The following TMEM132D variants were observed in gnomAD, a reference collection of about 807,000 sequenced individuals.
The protein encoded by TMEM132D is transmembrane protein 132D.
A neutral mutation model predicts 62.3 loss-of-function variants in TMEM132D; 21 were observed. That is an observed-to-expected ratio of 0.34 (90% confidence interval 0.24 to 0.49). TMEM132D has a LOEUF of 0.49. Among genes scored for constraint, TMEM132D ranks in the 20% least tolerant of loss-of-function variants. The probability of loss-of-function intolerance (pLI) is 0.99; values close to 1 mark genes in which losing one functional copy is unlikely to be tolerated. For missense variants in TMEM132D, 1,346 were observed against 1,402.8 expected, an observed-to-expected ratio of 0.96 and a Z score of 0.65; for synonymous variants, 621 against 575.6, an observed-to-expected ratio of 1.08 and a Z score of -1.13.
chr12:129,105,316 T>C (rs1383450910), intron 5 of TMEM132D, among the ~76,000 whole-genome samples: 1 of 143,690 alleles, frequency 7.0e-6, no homozygotes, highest in African/African-American at 2.7e-5. Context: ...CACCGCATAT[T>C]CTCACTCACA....
intron 1 of TMEM132D, among the ~76,000 whole-genome samples, chr12:129,774,853 C>A (rs1265810809): frequency 6.6e-6 from 1 of 152,200 alleles, no homozygotes; most frequent in Non-Finnish European, 1.5e-5. Context: ...CCGCTTTCGG[C>A]AGCATGACCT....
rs1314026716 is a variant in TMEM132D at position 129,644,493 on chromosome 12, A to G, written c.968+55317T>C. ...CTCCTGGGAAGGCCGTTACCATGGG[A>G]GTGAGAGAGACCAGGCAGTGTGAAT... On this transcript the variant is annotated intron_variant, in intron 2 of 8. Transcript: ENST00000422113. 2.0e-5 allele frequency among the ~76,000 whole-genome samples: 3 copies of G among 152,062 alleles called. No individual in the cohort carries two copies. In the East Asian group the frequency reaches 5.8e-4, roughly 29 times the overall value.
intron 1 of TMEM132D, among the ~76,000 whole-genome samples, chr12:129,726,850 T>C (rs1530898): frequency 0.49 from 73,717 of 151,898 alleles, 18,307 homozygotes; most frequent in East Asian, 0.61. Context: ...ACAGGAGTTC[T>C]GTTCCCAACT....
chr12:129,440,577 A>G (rs1294013094), intron 3 of TMEM132D, among the ~76,000 whole-genome samples: 1 of 152,230 alleles, frequency 6.6e-6, no homozygotes, highest in Non-Finnish European at 1.5e-5. Context: ...TAGCATGGGC[A>G]TATCTAAGAG....
chr12:129,772,081 T>G (rs1870772289), intron 1 of TMEM132D, among the ~76,000 whole-genome samples: 1 of 151,892 alleles, frequency 6.6e-6, no homozygotes, highest in Non-Finnish European at 1.5e-5. Flanking sequence ...CATTCACAAG[T>G]GGGATCACAC....
At chr12:129,811,154 C>A (rs900952899) in intron 1 of TMEM132D, among the ~76,000 whole-genome samples, 8 of 151,664 alleles carry the variant, frequency 5.3e-5, no homozygotes, top group Non-Finnish European at 1.0e-4. Flanking sequence ...GTTTAGAACT[C>A]ACCGAAGAAC....
intron 2 of TMEM132D, among the ~76,000 whole-genome samples, chr12:129,582,529 G>T (rs1877899509): frequency 6.6e-6 from 1 of 152,154 alleles, no homozygotes; most frequent in Non-Finnish European, 1.5e-5. Context: ...TGGCTGCTGG[G>T]GTTTGTACAT....
At chr12:129,355,545 C>T (rs780861804) in intron 3 of TMEM132D, among the ~76,000 whole-genome samples, 1 of 151,980 alleles carries the variant, frequency 6.6e-6, no homozygotes, top group African/African-American at 2.4e-5. Context: ...AGAGAGAAGG[C>T]GAATCTAGTA....
chr12:129,781,008 G>T (rs971833460), intron 1 of TMEM132D, among the ~76,000 whole-genome samples: 2 of 152,202 alleles, frequency 1.3e-5, no homozygotes, highest in African/African-American at 2.4e-5. Flanking sequence ...CTGCTGGGGG[G>T]TGACAGCAGC....
intron 5 of TMEM132D, 105 bp downstream of exon 5, chr12:129,209,415 T>G: frequency 7.1e-7 from 1 of 1,410,046 alleles, no homozygotes; most frequent in Non-Finnish European, 9.7e-7. Context: ...AGGGATCCTG[T>G]GGGACCCAGA....
intron 5 of TMEM132D, among the ~76,000 whole-genome samples, chr12:129,186,509 C>G (rs1044248756): frequency 6.6e-6 from 1 of 152,172 alleles, no homozygotes; most frequent in Non-Finnish European, 1.5e-5. Flanking sequence ...TCACTGGGCC[C>G]CTTTCCTGGC....
intron 2 of TMEM132D, among the ~76,000 whole-genome samples, chr12:129,689,678 G>A (rs1881017350): frequency 6.6e-6 from 1 of 152,146 alleles, no homozygotes; most frequent in Admixed American, 6.5e-5. Context: ...GATCAATACT[G>A]TCCTAGGGCT....
intron 1 of TMEM132D, among the ~76,000 whole-genome samples, chr12:129,824,608 A>C (rs1179742272): frequency 6.6e-6 from 1 of 152,204 alleles, no homozygotes; most frequent in Non-Finnish European, 1.5e-5. Flanking sequence ...AGCTTCCTTT[A>C]TCCACCATGC....
chr12:129,405,986 T>C (rs923639383), intron 3 of TMEM132D, among the ~76,000 whole-genome samples: 2 of 152,154 alleles, frequency 1.3e-5, no homozygotes, highest in Non-Finnish European at 1.5e-5. Context: ...CCCTCAAACA[T>C]CTATAAAACC....
chr12:129,463,069 A>G (rs1268055938), intron 3 of TMEM132D, among the ~76,000 whole-genome samples: 2 of 152,196 alleles, frequency 1.3e-5, no homozygotes, highest in Non-Finnish European at 2.9e-5. Context: ...CTGAATCTAG[A>G]CAGCATCACT....
chr12:129,677,074 G>A (rs1880649327), intron 2 of TMEM132D, among the ~76,000 whole-genome samples: 1 of 152,194 alleles, frequency 6.6e-6, no homozygotes, highest in Non-Finnish European at 1.5e-5. Context: ...GTGATTTGCT[G>A]ATTTTGCCCT....
At chr12:129,650,095 T>C (rs1032143011) in intron 2 of TMEM132D, among the ~76,000 whole-genome samples, 4 of 152,230 alleles carry the variant, frequency 2.6e-5, no homozygotes, top group African/African-American at 9.6e-5. Flanking sequence ...CTAAGGTATT[T>C]TCTATCCTAA....
intron 4 of TMEM132D, among the ~76,000 whole-genome samples, chr12:129,260,125 G>A (rs528962012): frequency 6.6e-6 from 1 of 152,152 alleles, no homozygotes; most frequent in East Asian, 1.9e-4. Context: ...TACCACAGAG[G>A]CTTGGGACAC....
intron 1 of TMEM132D, among the ~76,000 whole-genome samples, chr12:129,742,367 TGAGAGAGGGAGCAA>T (rs368565696): frequency 1.1e-4 from 16 of 152,196 alleles, no homozygotes; most frequent in Admixed American, 2.6e-4. Flanking sequence ...TGTCACATGG[TGAGAGAGGGAGCAA>T]GAGAGAGAAG....
Sources: allele counts gnomAD v4.1 joint callset (sites outside exome capture counted in the v4.1 genomes callset), GRCh38; gene constraint gnomAD v4.1.1; transcripts MANE v1.5; gene names NCBI Gene and HGNC (gene_info 2026-07-23, HGNC 2026-07-21).